TJP1: variants seen among roughly 807,000 people sequenced by gnomAD.
TJP1 encodes tight junction protein 1, also known as tight junction protein ZO-1.
Under a neutral mutation model 194.2 loss-of-function variants are expected in TJP1, and 43 were observed. The ratio of observed to expected loss-of-function variants is 0.22; its 90% CI spans 0.17 to 0.29. TJP1 has a LOEUF of 0.29. Ranked by LOEUF, TJP1 falls within the 10% of genes least tolerant of loss-of-function variation. The probability of loss-of-function intolerance (pLI) is 1.00; values close to 1 mark genes in which losing one functional copy is unlikely to be tolerated. For missense variants in TJP1, 1,971 were observed against 2,185.7 expected, an observed-to-expected ratio of 0.90 and a Z score of 1.96; for synonymous variants, 801 against 779.0, an observed-to-expected ratio of 1.03 and a Z score of -0.47.
In TJP1 at chr15:29,737,379, T is replaced by C; in HGVS notation, c.1292A>G (p.Asp431Gly). The change falls in exon 11 of 28, where the codon GAT (aspartate) becomes GGT (glycine). Residue 431 changes from aspartate to glycine, a missense_variant. Coordinates refer to ENST00000614355, the MANE Select transcript of TJP1 (RefSeq NM_001330239.4). ...SMKLVKFRKGDSVGLRLAGGN... is the reference protein window; with the variant it reads ...SMKLVKFRKGGSVGLRLAGGN... ...ACCAGCCAGCCGCAAACCCACACTA[T>C]CTCCTTTTCTGAATTTTACCAATTT... 6.2e-7 allele frequency: 1 copy of C among 1,614,104 alleles called. No individual in the cohort carries two copies.
chr15:29,866,769 T>C (rs1195831677), intron 2 of TJP1, among the ~76,000 whole-genome samples: 1 of 152,210 alleles, frequency 6.6e-6, no homozygotes. Context: ...GGGTAAGGTA[T>C]GTTTAATAAA....
At chr15:29,907,938 G>A (rs959008519) in intron 2 of TJP1, among the ~76,000 whole-genome samples, 1 of 150,388 alleles carries the variant, frequency 6.6e-6, no homozygotes, top group African/African-American at 2.5e-5. Flanking sequence ...CTGCTCTTTA[G>A]AAAAACAAAG....
Position 29,822,062 on chromosome 15 carries a change from G to C in TJP1, c.-34C>G, listed in dbSNP as rs757061733. On this transcript the variant is annotated 5_prime_UTR_variant, in exon 1 of 28. Coordinates refer to ENST00000614355, the MANE Select transcript of TJP1 (RefSeq NM_001330239.4). ...TCTCCAGCGCCGCGCGAGGCTCCTCGGACCCGAAACTCCGCGGCGCTGGCC... is the reference window on the plus strand; with the variant it reads ...TCTCCAGCGCCGCGCGAGGCTCCTCCGACCCGAAACTCCGCGGCGCTGGCC... The C allele has an allele frequency of 1.1e-5, 14 of 1,277,088 alleles. No individual in the cohort carries two copies. The highest frequency in any genetic ancestry group is 3.8e-5 in the Admixed American group (1 of 25,984). The allele number at this position is 1,277,088 out of a possible 1,614,324, so 79.1% of individuals were successfully genotyped here.
At chr15:29,917,569 C>T (rs945942851) in intron 2 of TJP1, among the ~76,000 whole-genome samples, 4 of 152,158 alleles carry the variant, frequency 2.6e-5, no homozygotes, top group Admixed American at 6.5e-5. Flanking sequence ...GAAGACCACA[C>T]AGAAACAAAT....
intron 17 of TJP1, 122 bp from the exon 18 acceptor site, chr15:29,726,601 T>G: frequency 8.5e-7 from 1 of 1,179,720 alleles, no homozygotes; most frequent in African/African-American, 1.5e-5. Flanking sequence ...TGCAAACATT[T>G]GAAATTTCTA....
intron 18 of TJP1, among the ~76,000 whole-genome samples, chr15:29,722,595 G>A (rs1007181822): frequency 4.6e-5 from 7 of 152,218 alleles, no homozygotes; most frequent in African/African-American, 1.4e-4. Flanking sequence ...GCAGTGTGGA[G>A]GGGAAATGTG....
chr15:29,745,077 G>T (rs1434681441), intron 8 of TJP1, among the ~76,000 whole-genome samples: 1 of 151,998 alleles, frequency 6.6e-6, no homozygotes, highest in African/African-American at 2.4e-5. Flanking sequence ...GAGAAAATTT[G>T]CAGTCATTCC....
At chr15:29,786,207 T>C (rs2047689457) in intron 2 of TJP1, among the ~76,000 whole-genome samples, 1 of 152,182 alleles carries the variant, frequency 6.6e-6, no homozygotes, top group Non-Finnish European at 1.5e-5. Context: ...TGTCTTCCTG[T>C]TTATTCTTAC....
chr15:29,908,540 C>A (rs1202262865), intron 2 of TJP1, among the ~76,000 whole-genome samples: 1 of 152,212 alleles, frequency 6.6e-6, no homozygotes, highest in Non-Finnish European at 1.5e-5. Flanking sequence ...CACCCTCATT[C>A]TTCCTTGCTA....
chr15:29,824,984 T>C (rs2050634002), upstream of TJP1, among the ~76,000 whole-genome samples: 1 of 152,226 alleles, frequency 6.6e-6, no homozygotes, highest in Non-Finnish European at 1.5e-5. Context: ...CAGTGACTAA[T>C]AGTATCACTT....
At chr15:29,794,943 A>G (rs1451643164) in intron 2 of TJP1, among the ~76,000 whole-genome samples, 1 of 152,330 alleles carries the variant, frequency 6.6e-6, no homozygotes, top group East Asian at 1.9e-4. Context: ...TTTTGAAAAG[A>G]TCAATAAAAT....
intron 1 of TJP1, among the ~76,000 whole-genome samples, chr15:29,957,632 T>C (rs1221468089): frequency 6.6e-6 from 1 of 152,216 alleles, no homozygotes; most frequent in African/African-American, 2.4e-5. Flanking sequence ...ATAACATAGA[T>C]GTAATATAAT....
At chr15:29,955,312 T>G (rs2055894822) in intron 2 of TJP1, among the ~76,000 whole-genome samples, 1 of 152,154 alleles carries the variant, frequency 6.6e-6, no homozygotes, top group Non-Finnish European at 1.5e-5. Flanking sequence ...CCATTGAACC[T>G]TATGATACAC....
At chr15:29,934,555 C>T (rs755336878) in intron 2 of TJP1, among the ~76,000 whole-genome samples, 1 of 152,156 alleles carries the variant, frequency 6.6e-6, no homozygotes, top group Non-Finnish European at 1.5e-5. Flanking sequence ...CTTTGAATGA[C>T]GCCAAGTTAA....
chr15:29,964,586 A>G (rs2056270431), intron 1 of TJP1, among the ~76,000 whole-genome samples: 1 of 152,222 alleles, frequency 6.6e-6, no homozygotes, highest in East Asian at 1.9e-4. Flanking sequence ...TTGATTTTGG[A>G]CTTCTAGCCT....
At chr15:29,791,413 CTTTTTTTTTTT>C (rs34201715) in intron 2 of TJP1, among the ~76,000 whole-genome samples, 1 of 51,190 alleles carries the variant, frequency 2.0e-5, no homozygotes, top group African/African-American at 8.0e-5. Flanking sequence ...CCATAATATT[CTTTTTTTTTTT>C]TTTTTTTTTT....
At chr15:29,730,608 A>C in intron 15 of TJP1, 2 of 539,454 alleles carry the variant, frequency 3.7e-6, no homozygotes. Context: ...AAAAAAAAAA[A>C]GAGGAGCAGT....
chr15:29,929,824 A>G (rs2054648309), intron 2 of TJP1, among the ~76,000 whole-genome samples: 2 of 152,132 alleles, frequency 1.3e-5, no homozygotes, highest in African/African-American at 4.8e-5. Flanking sequence ...CTGATTTTTA[A>G]AACAGCAGCA....
intron 2 of TJP1, among the ~76,000 whole-genome samples, chr15:29,838,053 T>C (rs1049516270): frequency 3.9e-5 from 6 of 152,248 alleles, no homozygotes; most frequent in African/African-American, 1.4e-4. Context: ...TTAGCATCTA[T>C]AAATTCATCA....
Sources: allele counts gnomAD v4.1 joint callset (sites outside exome capture counted in the v4.1 genomes callset), GRCh38; gene constraint gnomAD v4.1.1; transcripts MANE v1.5; gene names NCBI Gene and HGNC (gene_info 2026-07-23, HGNC 2026-07-21).